KCTD20: variants seen among roughly 807,000 people sequenced by gnomAD.
KCTD20 encodes the protein BTB/POZ domain-containing protein KCTD20.
In KCTD20, 30 loss-of-function variants were observed where a neutral mutation model predicts 39.6. The observed-to-expected ratio is 0.76, with a 90% CI of 0.57 to 1.03. The LOEUF is 1.03. Ranked by LOEUF, KCTD20 falls within the 50% of genes least tolerant of loss-of-function variation. The pLI is 0.00. For missense variants in KCTD20, 422 were observed against 522.0 expected (o/e 0.81, Z 1.87); for synonymous variants, 162 against 180.6 (o/e 0.90, Z 0.83).
At chr6:36,480,239 T>C (rs888743941) in intron 5 of KCTD20, among the ~76,000 whole-genome samples, 2 of 152,084 alleles carry the variant, frequency 1.3e-5, no homozygotes, top group Admixed American at 6.6e-5. Flanking sequence ...AAACAGATAG[T>C]AGTTTCTAAA....
At chr6:36,483,076 G>A (rs2127455877) in intron 6 of KCTD20, among the ~76,000 whole-genome samples, 1 of 148,092 alleles carries the variant, frequency 6.8e-6, no homozygotes, top group Admixed American at 6.8e-5. Flanking sequence ...CCGAGATCAT[G>A]CCATTGCACT....
intron 1 of KCTD20, among the ~76,000 whole-genome samples, chr6:36,450,460 C>T (rs9462185): frequency 0.23 from 34,263 of 150,406 alleles, 4,097 homozygotes; most frequent in East Asian, 0.39. Context: ...TGCACTCCAG[C>T]CTGGGTGACA....
At chr6:36,448,778 G>T (rs971427577) in intron 1 of KCTD20, among the ~76,000 whole-genome samples, 1 of 152,100 alleles carries the variant, frequency 6.6e-6, no homozygotes, top group South Asian at 2.1e-4. Flanking sequence ...GGAGCCTCGC[G>T]GTGAGTGTTA....
chr6:36,474,521 T>G (rs1776004833), intron 2 of KCTD20, among the ~76,000 whole-genome samples: 1 of 151,972 alleles, frequency 6.6e-6, no homozygotes, highest in Non-Finnish European at 1.5e-5. Context: ...CTTTAGAAAA[T>G]TTAAATAACG....
At chr6:36,482,279 C>A (rs188106939) in intron 6 of KCTD20, among the ~76,000 whole-genome samples, 10 of 152,288 alleles carry the variant, frequency 6.6e-5, no homozygotes, top group Non-Finnish European at 1.0e-4. Flanking sequence ...CTGGGCCGGG[C>A]GCGGTAGCTC....
At chr6:36,476,427 CA>C (rs1454810624) in intron 3 of KCTD20, among the ~76,000 whole-genome samples, 2 of 137,518 alleles carry the variant, frequency 1.5e-5, no homozygotes, top group East Asian at 2.3e-4. Flanking sequence ...CACAGTGAAC[CA>C]TTTTTTTTTT....
chr6:36,455,028 A>G (rs1775390171), intron 1 of KCTD20, among the ~76,000 whole-genome samples: 1 of 152,144 alleles, frequency 6.6e-6, no homozygotes. Context: ...AACCTGGGGT[A>G]TTTCACAGGA....
chr6:36,473,437 T>G (rs1775969646), intron 2 of KCTD20, among the ~76,000 whole-genome samples: 1 of 152,124 alleles, frequency 6.6e-6, no homozygotes, highest in Admixed American at 6.5e-5. Context: ...GAGTGAACAT[T>G]ATTTATCCTC....
At chr6:36,473,429 G>A (rs534132824) in intron 2 of KCTD20, among the ~76,000 whole-genome samples, 2 of 152,214 alleles carry the variant, frequency 1.3e-5, no homozygotes, top group South Asian at 2.1e-4. Context: ...GGTATATGGA[G>A]TGAACATTAT....
chr6:36,485,776 G>A (rs1300758821), intron 7 of KCTD20, among the ~76,000 whole-genome samples: 1 of 152,114 alleles, frequency 6.6e-6, no homozygotes, highest in African/African-American at 2.4e-5. Flanking sequence ...ACAGATGTGA[G>A]CCACGGCGCC....
At position 36,491,116 on chromosome 6, in the gene KCTD20, T is replaced by G. The variant is rs575921616; in HGVS notation, c.*3941T>G. ...ACGAAATCCTGTATTTGGGATGCTT[T>G]TTCTATAATAAAATATTATAATTTG... On this transcript the variant is annotated 3_prime_UTR_variant, in exon 8 of 8. Coordinates refer to ENST00000373731, the MANE Select transcript of KCTD20 (RefSeq NM_173562.5). 6.8e-4 allele frequency: 103 copies of G among 152,300 alleles called. No homozygotes were observed. Among genetic ancestry groups the G allele is most frequent in the African/African-American group, 2.3e-3 (96 of 41,558 alleles). 9.4% of individuals were successfully genotyped at this position (152,300 alleles called of 1,614,324 possible).
intron 3 of KCTD20, among the ~76,000 whole-genome samples, chr6:36,477,439 A>G (rs1322944715): frequency 3.3e-5 from 5 of 151,886 alleles, no homozygotes; most frequent in Admixed American, 2.0e-4. Context: ...TATGTGTGGT[A>G]CAGTTATTTG....
chr6:36,482,995 T>TA (rs1776301045), intron 6 of KCTD20, among the ~76,000 whole-genome samples: 2 of 148,378 alleles, frequency 1.3e-5, no homozygotes, highest in South Asian at 4.3e-4. Flanking sequence ...CCCATGCCTG[T>TA]AATCCCAGCT....
chr6:36,481,677 C>A lies in KCTD20; in HGVS notation c.774C>A (p.Cys258Ter). The A allele has an allele frequency of 6.2e-7, 1 of 1,614,202 alleles. No homozygotes were observed. The highest frequency in any genetic ancestry group is 8.5e-7 in the Non-Finnish European group (1 of 1,180,014). ...VGCAKKGERE[C>*]HIVVLTDEDS... is the part of the protein sequence containing the mutation. ...GTGCCAAGAAAGGAGAACGAGAGTG[C>A]CACATTGTTGTGCTGACGGATGAGG... Residue 258 changes from cysteine (C) to a stop codon, truncating the protein, a stop_gained, in exon 6 of 8, where the codon TGC becomes TGA. Transcript: ENST00000373731. LOFTEE classifies it high-confidence loss of function.
chr6:36,449,857 A>G (rs1775185686), intron 1 of KCTD20, among the ~76,000 whole-genome samples: 1 of 152,114 alleles, frequency 6.6e-6, no homozygotes, highest in Non-Finnish European at 1.5e-5. Flanking sequence ...AGCCCCGACA[A>G]TCTGTTTAAG....
At chr6:36,468,433 C>G (rs1028347494) in intron 1 of KCTD20, among the ~76,000 whole-genome samples, 40 of 152,174 alleles carry the variant, frequency 2.6e-4, no homozygotes, top group African/African-American at 8.7e-4. Context: ...GAGATCTTTT[C>G]GAGTGCAACA....
intron 7 of KCTD20, among the ~76,000 whole-genome samples, chr6:36,485,540 G>A (rs1260039648): frequency 2.7e-5 from 4 of 146,038 alleles, no homozygotes; most frequent in African/African-American, 1.0e-4. Flanking sequence ...TGTCGCCCAG[G>A]TGGAGTGCGG....
chr6:36,450,915 G>A (rs1186403265), intron 1 of KCTD20: 2 of 152,180 alleles, frequency 1.3e-5, no homozygotes, highest in African/African-American at 4.8e-5. Context: ...CTTTTTAAGA[G>A]TTAGAAGTCT....
chr6:36,443,461 G>A (rs1350029899), intron 1 of KCTD20: 2 of 152,216 alleles, frequency 1.3e-5, no homozygotes, highest in Non-Finnish European at 2.9e-5. Context: ...GCGAGAACCT[G>A]GAGTGTTGAC....
Sources: allele counts gnomAD v4.1 joint callset (sites outside exome capture counted in the v4.1 genomes callset), GRCh38; gene constraint gnomAD v4.1.1; transcripts MANE v1.5; gene names NCBI Gene and HGNC (gene_info 2026-07-23, HGNC 2026-07-21).